The following TTC38 variants were observed in gnomAD, a reference collection of about 807,000 sequenced individuals.
TTC38 encodes tetratricopeptide repeat protein 38.
A neutral mutation model predicts 64.2 loss-of-function variants in TTC38; 64 were observed. The ratio of observed to expected loss-of-function variants is 1.00; its 90% confidence interval spans 0.81 to 1.23. TTC38 has a LOEUF of 1.23. Ranked by LOEUF, TTC38 falls within the 50% of genes most tolerant of loss-of-function variation. The pLI is 0.00. For synonymous variants in TTC38, 254 were observed against 249.3 expected (o/e 1.02, Z -0.18); for missense variants, 573 against 615.5 (o/e 0.93, Z 0.73).
chr22:46,268,011 G>A lies in TTC38; in HGVS notation c.-29G>A. On this transcript the variant is annotated 5_prime_UTR_variant, in exon 1 of 14. Transcript: ENST00000381031. ...TCCCAGGAAGGCCCGGGTGCCCAGAGCTCGCGGTGGACTCCGACCCGGCGC... is the reference window on the plus strand; with the variant it reads ...TCCCAGGAAGGCCCGGGTGCCCAGAACTCGCGGTGGACTCCGACCCGGCGC... 1 of 1,527,800 alleles carries A rather than the reference G, an allele frequency of 6.5e-7. No individual in the cohort carries two copies. The allele number at this position is 1,527,800 out of a possible 1,614,324, so 94.6% of individuals were successfully genotyped here. A position where few individuals can be genotyped will look rare whatever the true frequency, so the allele number is the denominator to read the frequency against.
rs1423355624 is a variant in TTC38, at chr22:46,272,464, G to A, written c.193+48G>A. 4 of 1,489,914 alleles carry A rather than the reference G, an allele frequency of 2.7e-6. No homozygotes were observed. The highest frequency in any genetic ancestry group is 3.7e-6 in the Non-Finnish European group (4 of 1,069,218). 92.3% of individuals were successfully genotyped at this position (1,489,914 alleles called of 1,614,324 possible). A position where few individuals can be genotyped will look rare whatever the true frequency, so the allele number is the denominator to read the frequency against. On this transcript the variant is annotated intron_variant, in intron 3 of 13. Transcript: ENST00000381031. The surrounding 1 kb of genome is among the most constrained non-coding windows in gnomAD (Gnocchi z 6.4). Reference sequence around the variant, plus strand: ...GGAGGAGCCCCGCTTCACACATCCAGCCCCTCTCTTTCCTTTACCACAGGG... The same window carrying A: ...GGAGGAGCCCCGCTTCACACATCCAACCCCTCTCTTTCCTTTACCACAGGG...
At chr22:46,269,440 G>A (rs1287139866) in intron 2 of TTC38, among the ~76,000 whole-genome samples, 1 of 152,194 alleles carries the variant, frequency 6.6e-6, no homozygotes, top group Non-Finnish European at 1.5e-5. Flanking sequence ...GGGAAACTGA[G>A]GCTCAGAGTT....
Position 46,275,843 on chromosome 22 carries a change from TG to T in TTC38, c.539+428del, listed in dbSNP as rs1330475602. Among the ~76,000 whole-genome samples, 1 of 152,156 alleles carries T rather than the reference TG, an allele frequency of 6.6e-6. No individual in the cohort carries two copies. The highest frequency in any genetic ancestry group is 6.6e-5 in the Admixed American group (1 of 15,264). ...CTAAGAGGGAAAAGCAAGCTTTCCT[TG>T]GGGGGCTTACAATGGCAATTAAAGG... On this transcript the variant is annotated intron_variant, in intron 5 of 13. Transcript: ENST00000381031. This position sits in a 1 kb window ranked among gnomAD's most constrained non-coding sequence, Gnocchi z 4.5.
rs2077633115 is a variant in TTC38 at position 46,293,688 on chromosome 22, C to G, written c.*804C>G. ...AGAGCTGCTCTGTTGTGGCAAAACC[C>G]AAAGTGCTGTGATGTGTGGCTGTGA... On this transcript the variant is annotated 3_prime_UTR_variant, in exon 14 of 14. Coordinates refer to ENST00000381031, the MANE Select transcript of TTC38 (RefSeq NM_017931.4). This position sits in a 1 kb window ranked among gnomAD's most constrained non-coding sequence, Gnocchi z 6.6. 1 of 152,254 alleles carries G rather than the reference C, an allele frequency of 6.6e-6. No individual in the cohort carries two copies. The highest frequency in any genetic ancestry group is 1.5e-5 in the Non-Finnish European group (1 of 68,058). The allele number at this position is 152,254 out of a possible 1,614,324, so 9.4% of individuals were successfully genotyped here. A position where few individuals can be genotyped will look rare whatever the true frequency, so the allele number is the denominator to read the frequency against.
chr22:46,272,314 G>T lies in TTC38; in HGVS notation c.112-21G>T. Reference sequence around the variant, plus strand: ...TGATCCAAGGGCTCCGTGAGGACTTGTTTTGCTTTTCCCATTTCAGTATGT... The same window carrying T: ...TGATCCAAGGGCTCCGTGAGGACTTTTTTTGCTTTTCCCATTTCAGTATGT... On this transcript the variant is annotated intron_variant, in intron 2 of 13. Coordinates refer to ENST00000381031, the MANE Select transcript of TTC38 (RefSeq NM_017931.4). The surrounding 1 kb of genome is among the most constrained non-coding windows in gnomAD (Gnocchi z 6.4). 6.2e-7 allele frequency: 1 copy of T among 1,607,496 alleles called. No individual in the cohort carries two copies. The highest frequency in any genetic ancestry group is 1.3e-5 in the African/African-American group (1 of 74,848).
In TTC38 at chr22:46,275,647, C is replaced by T. The variant is rs954972511; in HGVS notation, c.539+226C>T. 3.9e-5 allele frequency among the ~76,000 whole-genome samples: 6 copies of T among 152,142 alleles called. No homozygotes were observed. The highest frequency in any genetic ancestry group is 1.4e-4 in the African/African-American group (6 of 41,436). On this transcript the variant is annotated intron_variant, in intron 5 of 13. Transcript: ENST00000381031. This position sits in a 1 kb window ranked among gnomAD's most constrained non-coding sequence, Gnocchi z 4.5. Reference sequence around the variant, plus strand: ...AGTCAGCATGGGATTGTTTTTGCTGCAGTAATAAACATCCCCTGGTTCTTC... The same window carrying T: ...AGTCAGCATGGGATTGTTTTTGCTGTAGTAATAAACATCCCCTGGTTCTTC...
At chr22:46,289,203 G>A (rs2057921302) in intron 11 of TTC38, among the ~76,000 whole-genome samples, 199 bp from the exon 12 acceptor site, 1 of 152,176 alleles carries the variant, frequency 6.6e-6, no homozygotes, top group Admixed American at 6.5e-5. Flanking sequence ...AGCTGGAAGT[G>A]GGCGAACTCC....
intron 2 of TTC38, chr22:46,269,269 A>T (rs1601862756): frequency 3.4e-6 from 1 of 292,112 alleles, no homozygotes; most frequent in African/African-American, 2.4e-5. Flanking sequence ...AGGACGTGGG[A>T]TCCTGTCCTG....
At chr22:46,277,046 T>TACACAC (rs4044315) in intron 5 of TTC38, among the ~76,000 whole-genome samples, 30 of 131,328 alleles carry the variant, frequency 2.3e-4, no homozygotes, top group East Asian at 1.3e-3. Flanking sequence ...TATATATACA[T>TACACAC]ACACACACAC....
chr22:46,274,112 A>C lies in TTC38; in HGVS notation c.365+43A>C, dbSNP rs1354293302. The C allele has an allele frequency of 2.2e-6, 2 of 922,096 alleles. No individual in the cohort carries two copies. The highest frequency in any genetic ancestry group is 8.8e-5 in the East Asian group (2 of 22,624). The allele number at this position is 922,096 out of a possible 1,614,324, so 57.1% of individuals were successfully genotyped here. On this transcript the variant is annotated intron_variant, in intron 4 of 13. Coordinates refer to ENST00000381031, the MANE Select transcript of TTC38 (RefSeq NM_017931.4). The surrounding 1 kb of genome is among the most constrained non-coding windows in gnomAD (Gnocchi z 4.8). The stretch of plus-strand genomic sequence containing the variant: ...GCTGGGAGCTGGCACCCTGAGGCTG[A>C]GCTGGGGGAGTGGCAGGGTATCCCT...
Position 46,273,931 on chromosome 22 carries a change from T to A in TTC38, c.227T>A (p.Leu76Gln), listed in dbSNP as rs748307034. ...MGHAMATGLVLIGTGSSVKLD... is the reference protein window; with the variant it reads ...MGHAMATGLVQIGTGSSVKLD... ...CACGCCATGGCTACTGGCCTTGTGC[T>A]GATTGGCACTGGAAGCTCCGTGAAG... Residue 76 changes from leucine (L) to glutamine (Q), a missense_variant, in exon 4 of 14, where the codon CTG (leucine) becomes CAG (glutamine). Coordinates refer to ENST00000381031, the MANE Select transcript of TTC38 (RefSeq NM_017931.4). This position sits in a 1 kb window ranked among gnomAD's most constrained non-coding sequence, Gnocchi z 5.1. 5 of 1,614,250 alleles carry A rather than the reference T, an allele frequency of 3.1e-6. No individual in the cohort carries two copies. The highest frequency in any genetic ancestry group is 3.4e-6 in the Non-Finnish European group (4 of 1,180,048).
intron 7 of TTC38, 105 bp from the exon 8 acceptor site, chr22:46,283,868 A>G: frequency 1.6e-6 from 1 of 644,978 alleles, no homozygotes; most frequent in Non-Finnish European, 2.3e-6. Context: ...AAAAAAAAAA[A>G]AAAAAAAAAA....
At position 46,282,002 on chromosome 22, in the gene TTC38, A is replaced by G. The variant is rs2147795384; in HGVS notation, c.735+284A>G. On this transcript the variant is annotated intron_variant, in intron 7 of 13. Coordinates refer to ENST00000381031, the MANE Select transcript of TTC38 (RefSeq NM_017931.4). The surrounding 1 kb of genome is among the most constrained non-coding windows in gnomAD (Gnocchi z 4.4). ...GTCAGGAGGAGCGAGCAGCCTCTTC[A>G]AAGCACATGAGCTGCACCATGACGG... 1 of 578,726 alleles carries G rather than the reference A, an allele frequency of 1.7e-6. No homozygotes were observed. Among genetic ancestry groups the G allele is most frequent in the East Asian group, 4.2e-5 (1 of 23,778 alleles). 35.8% of individuals were successfully genotyped at this position (578,726 alleles called of 1,614,324 possible). A position where few individuals can be genotyped will look rare whatever the true frequency, so the allele number is the denominator to read the frequency against.
At position 46,289,399 on chromosome 22, in the gene TTC38, C is replaced by T. The variant is rs2077595414; in HGVS notation, c.1083-3C>T. ...AGCTGAGGGCACCGTCTTGGGTTCGCAGATCCCCAGGGGAGAACTGCCAGC... is the reference window on the plus strand; with the variant it reads ...AGCTGAGGGCACCGTCTTGGGTTCGTAGATCCCCAGGGGAGAACTGCCAGC... On this transcript the variant is annotated splice_polypyrimidine_tract_variant and splice_region_variant and intron_variant, in intron 11 of 13. Coordinates refer to ENST00000381031, the MANE Select transcript of TTC38 (RefSeq NM_017931.4). 6.2e-7 allele frequency: 1 copy of T among 1,607,412 alleles called. No individual in the cohort carries two copies. Among genetic ancestry groups the T allele is most frequent in the African/African-American group, 1.3e-5 (1 of 75,046 alleles).
chr22:46,286,467 C>G (rs1458546224), intron 9 of TTC38, among the ~76,000 whole-genome samples: 2 of 152,024 alleles, frequency 1.3e-5, no homozygotes, highest in Non-Finnish European at 2.9e-5. Context: ...TCGAGACCAA[C>G]CTGGCCAACG....
Position 46,272,208 on chromosome 22 carries a change from C to A in TTC38, c.112-127C>A. 1.5e-6 allele frequency: 1 copy of A among 665,348 alleles called. No homozygotes were observed. Among genetic ancestry groups the A allele is most frequent in the Non-Finnish European group, 2.7e-6 (1 of 374,668 alleles). The allele number at this position is 665,348 out of a possible 1,614,324, so 41.2% of individuals were successfully genotyped here. A position where few individuals can be genotyped will look rare whatever the true frequency, so the allele number is the denominator to read the frequency against. On this transcript the variant is annotated intron_variant, in intron 2 of 13. Coordinates refer to ENST00000381031, the MANE Select transcript of TTC38 (RefSeq NM_017931.4). The surrounding 1 kb of genome is among the most constrained non-coding windows in gnomAD (Gnocchi z 6.4). ...GTTTTACCGTGTTGGTCAGGCTGGT[C>A]TCGAACTCCTGACCTCAGATGTTCT...
In TTC38 at chr22:46,292,533, C is replaced by T. The variant is rs952163844; in HGVS notation, c.1317-258C>T. 6.6e-6 allele frequency among the ~76,000 whole-genome samples: 1 copy of T among 152,234 alleles called. No homozygotes were observed. The highest frequency in any genetic ancestry group is 2.4e-5 in the African/African-American group (1 of 41,466). On this transcript the variant is annotated intron_variant, in intron 13 of 13. Coordinates refer to ENST00000381031, the MANE Select transcript of TTC38 (RefSeq NM_017931.4). This position sits in a 1 kb window ranked among gnomAD's most constrained non-coding sequence, Gnocchi z 6.5. Reference sequence around the variant, plus strand: ...CTCAAACCGTACCTGGGTCTTCTCTCTTCAAACCTGGGTTTTCCCCACTGC... The same window carrying T: ...CTCAAACCGTACCTGGGTCTTCTCTTTTCAAACCTGGGTTTTCCCCACTGC...
chr22:46,292,703 C>A lies in TTC38; in HGVS notation c.1317-88C>A. On this transcript the variant is annotated intron_variant, in intron 13 of 13. Transcript: ENST00000381031. The surrounding 1 kb of genome is among the most constrained non-coding windows in gnomAD (Gnocchi z 6.5). ...CCCTCAGTGCCGCAGTCTAGCCTGC[C>A]TGTGTTCTGCCTTGGGACCAAGGGA... The A allele has an allele frequency of 8.3e-7, 1 of 1,210,076 alleles. No individual in the cohort carries two copies. The highest frequency in any genetic ancestry group is 1.2e-6 in the Non-Finnish European group (1 of 821,864). The allele number at this position is 1,210,076 out of a possible 1,614,324, so 75.0% of individuals were successfully genotyped here. A position where few individuals can be genotyped will look rare whatever the true frequency, so the allele number is the denominator to read the frequency against.
chr22:46,289,400 A>C lies in TTC38; in HGVS notation c.1083-2A>C. On this transcript the variant is annotated splice_acceptor_variant, in intron 11 of 13. Transcript: ENST00000381031. LOFTEE classifies it high-confidence loss of function. Reference sequence around the variant, plus strand: ...GCTGAGGGCACCGTCTTGGGTTCGCAGATCCCCAGGGGAGAACTGCCAGCA... The same window carrying C: ...GCTGAGGGCACCGTCTTGGGTTCGCCGATCCCCAGGGGAGAACTGCCAGCA... 1 of 1,607,590 alleles carries C rather than the reference A, an allele frequency of 6.2e-7. No homozygotes were observed. Among genetic ancestry groups the C allele is most frequent in the Non-Finnish European group, 8.5e-7 (1 of 1,179,156 alleles).
Sources: gnomAD v4.1 joint callset for allele counts (sites outside exome capture counted in the v4.1 genomes callset) on GRCh38, gnomAD v4.1.1 for gene constraint, Gnocchi (gnomAD v3.1) non-coding constraint, MANE v1.5 for transcripts, NCBI Gene and HGNC (gene_info 2026-07-23, HGNC 2026-07-21) for gene names.